Variants in ATRNL1 observed in about 807,000 individuals in gnomAD.
ATRNL1 encodes attractin like 1.
Under a neutral mutation model 182.7 loss-of-function variants are expected in ATRNL1, and 95 were observed. The observed-to-expected ratio is 0.52, with a 90% confidence interval of 0.44 to 0.62. The LOEUF is 0.62. Ranked by LOEUF, ATRNL1 falls within the 20% of genes least tolerant of loss-of-function variation. The pLI, the probability that ATRNL1 is intolerant of heterozygous loss-of-function variation, is 0.00. For synonymous variants in ATRNL1, 576 were observed against 568.3 expected, an observed-to-expected ratio of 1.01 and a Z score of -0.19; for missense variants, 1,471 against 1,679.5, an observed-to-expected ratio of 0.88 and a Z score of 2.17.
chr10:115,727,750 A>G (rs1273046046), intron 27 of ATRNL1, among the ~76,000 whole-genome samples: 1 of 152,202 alleles, frequency 6.6e-6, no homozygotes, highest in Non-Finnish European at 1.5e-5. Flanking sequence ...GTACGAGTGG[A>G]GATGAGTTGC....
intron 19 of ATRNL1, among the ~76,000 whole-genome samples, chr10:115,357,207 G>A (rs1554943065): frequency 6.6e-6 from 1 of 151,826 alleles, no homozygotes; most frequent in Non-Finnish European, 1.5e-5. Flanking sequence ...CAGGCCTAGG[G>A]TGAAGAAAAG....
intron 17 of ATRNL1, among the ~76,000 whole-genome samples, chr10:115,310,241 G>C (rs1177871745): frequency 6.6e-6 from 1 of 152,092 alleles, no homozygotes; most frequent in Non-Finnish European, 1.5e-5. Context: ...ACTGGATTCA[G>C]CTTGCTAGTA....
intron 26 of ATRNL1, among the ~76,000 whole-genome samples, chr10:115,607,831 T>C (rs1856948127): frequency 6.6e-6 from 1 of 151,968 alleles, no homozygotes; most frequent in African/African-American, 2.4e-5. Context: ...TGATGTAATG[T>C]CATTATTCAC....
intron 26 of ATRNL1, among the ~76,000 whole-genome samples, chr10:115,601,850 T>C (rs910412895): frequency 1.1e-4 from 17 of 152,220 alleles, no homozygotes; most frequent in Non-Finnish European, 2.2e-4. Flanking sequence ...GTGTTTAGAC[T>C]ACATATTTTT....
chr10:115,359,672 A>G (rs563191999), intron 19 of ATRNL1, among the ~76,000 whole-genome samples: 81 of 151,690 alleles, frequency 5.3e-4, no homozygotes, highest in African/African-American at 1.9e-3. Flanking sequence ...AAGACTGGTA[A>G]GAGAAGTTAT....
intron 8 of ATRNL1, among the ~76,000 whole-genome samples, chr10:115,177,805 A>G (rs539105764): frequency 1.3e-5 from 2 of 151,848 alleles, no homozygotes; most frequent in African/African-American, 4.8e-5. Flanking sequence ...TTATAGAGAT[A>G]AGACAACAGA....
intron 26 of ATRNL1, among the ~76,000 whole-genome samples, chr10:115,604,122 C>T (rs563508329): frequency 6.6e-6 from 1 of 152,092 alleles, no homozygotes; most frequent in South Asian, 2.1e-4. Context: ...GCTTCTTGGC[C>T]TAATAAACTT....
rs529202183 is a variant in ATRNL1 at position 115,723,696 on chromosome 10, G to A, written c.3796-3552G>A. ...CCTGAGTAGCTGGGATTACAGGCAT[G>A]TGCCACCATGCCTGGCTAATTTATT... On this transcript the variant is annotated intron_variant, in intron 26 of 28. Coordinates refer to ENST00000355044, the MANE Select transcript of ATRNL1 (RefSeq NM_207303.4). Among the ~76,000 whole-genome samples, 19 of 152,100 alleles carry A rather than the reference G, an allele frequency of 1.2e-4. No individual in the cohort carries two copies. In the South Asian group the frequency reaches 3.7e-3, roughly 30 times the overall value.
At chr10:115,600,816 T>C (rs1424207044) in intron 26 of ATRNL1, among the ~76,000 whole-genome samples, 2 of 152,038 alleles carry the variant, frequency 1.3e-5, no homozygotes, top group African/African-American at 4.8e-5. Context: ...ACAAAAATGT[T>C]TCTCCCATTT....
At chr10:115,477,623 C>A (rs1170034925) in intron 24 of ATRNL1, among the ~76,000 whole-genome samples, 1 of 151,446 alleles carries the variant, frequency 6.6e-6, no homozygotes, top group South Asian at 2.1e-4. Flanking sequence ...GGATTCACAA[C>A]CCCAATAAGG....
At chr10:115,649,672 C>A (rs1555033776) in intron 26 of ATRNL1, among the ~76,000 whole-genome samples, 1 of 151,954 alleles carries the variant, frequency 6.6e-6, no homozygotes, top group African/African-American at 2.4e-5. Context: ...AATATCTGTG[C>A]AAAATTCATT....
At chr10:115,411,161 A>T (rs148913861) in intron 20 of ATRNL1, among the ~76,000 whole-genome samples, 2,811 of 151,722 alleles carry the variant, frequency 0.019, 104 homozygotes, top group African/African-American at 0.065. Context: ...TGAGTAAAAA[A>T]ATTATGTATC....
chr10:115,506,423 T>A (rs1353251988), intron 24 of ATRNL1, among the ~76,000 whole-genome samples: 1 of 152,114 alleles, frequency 6.6e-6, no homozygotes, highest in Non-Finnish European at 1.5e-5. Flanking sequence ...TAAGACCAGC[T>A]GGTTCTTAAA....
chr10:115,587,290 G>C (rs1198249615), intron 26 of ATRNL1, among the ~76,000 whole-genome samples: 1 of 152,206 alleles, frequency 6.6e-6, no homozygotes, highest in Non-Finnish European at 1.5e-5. Flanking sequence ...ACCCAGTTCA[G>C]TTGGAGCTCC....
intron 24 of ATRNL1, among the ~76,000 whole-genome samples, chr10:115,491,074 C>A (rs759848185): frequency 2.6e-5 from 4 of 152,170 alleles, no homozygotes; most frequent in Admixed American, 2.0e-4. Context: ...AGCAAAACAG[C>A]AAAGATTGCT....
chr10:115,403,583 GTAGCTGGAC>G (rs1554957521), intron 20 of ATRNL1, among the ~76,000 whole-genome samples: 1 of 125,808 alleles, frequency 7.9e-6, no homozygotes, highest in Non-Finnish European at 1.7e-5. Flanking sequence ...AGCCTCCTGA[GTAGCTGGAC>G]TACAGGCACT....
At chr10:115,635,105 T>A (rs1263756256) in intron 26 of ATRNL1, among the ~76,000 whole-genome samples, 2 of 152,114 alleles carry the variant, frequency 1.3e-5, no homozygotes, top group African/African-American at 4.8e-5. Context: ...ATGAGACTTT[T>A]CAAATCATTA....
intron 25 of ATRNL1, among the ~76,000 whole-genome samples, chr10:115,540,143 A>AT (rs1852268109): frequency 6.6e-6 from 1 of 151,200 alleles, no homozygotes; most frequent in African/African-American, 2.4e-5. Context: ...ATAAATAAAT[A>AT]AATAAATAAA....
At chr10:115,138,115 G>A (rs1023435879) in intron 5 of ATRNL1, among the ~76,000 whole-genome samples, 5 of 152,184 alleles carry the variant, frequency 3.3e-5, no homozygotes, top group Middle Eastern at 3.2e-3. Flanking sequence ...TCTCACATCC[G>A]GGTCACGCTG....
Sources: gnomAD v4.1 joint callset for allele counts (sites outside exome capture counted in the v4.1 genomes callset) on GRCh38, gnomAD v4.1.1 for gene constraint, MANE v1.5 for transcripts, NCBI Gene and HGNC (gene_info 2026-07-23, HGNC 2026-07-21) for gene names.